The following TTC27 variants were observed in gnomAD, a reference collection of about 807,000 sequenced individuals.
TTC27 encodes tetratricopeptide repeat protein 27.
TTC27 carries 79 observed loss-of-function variants against 115.9 expected under a neutral mutation model. The observed-to-expected ratio is 0.68, with a 90% CI of 0.57 to 0.82. The LOEUF is 0.82. Among genes scored for constraint, TTC27 ranks in the 40% least tolerant of loss-of-function variants. The pLI, the probability that TTC27 is intolerant of heterozygous loss-of-function variation, is 0.00. For synonymous variants in TTC27, 401 were observed against 356.0 expected, an observed-to-expected ratio of 1.13 and a Z score of -1.42; for missense variants, 1,054 against 993.1, an observed-to-expected ratio of 1.06 and a Z score of -0.82.
chr2:32,743,325 T>A (rs1375150461), intron 12 of TTC27, among the ~76,000 whole-genome samples: 3 of 152,200 alleles, frequency 2.0e-5, no homozygotes, highest in African/African-American at 7.2e-5. Context: ...TGAATAACTT[T>A]CCTGAAATAT....
chr2:32,766,710 G>A (rs1669640332), intron 13 of TTC27, among the ~76,000 whole-genome samples: 1 of 152,178 alleles, frequency 6.6e-6, no homozygotes, highest in Non-Finnish European at 1.5e-5. Flanking sequence ...GAGACACGAA[G>A]TAAGCACACA....
intron 6 of TTC27, among the ~76,000 whole-genome samples, chr2:32,665,898 T>C (rs1665757542): frequency 6.6e-6 from 1 of 151,912 alleles, no homozygotes; most frequent in African/African-American, 2.4e-5. Flanking sequence ...TCATAAAAAA[T>C]AAAATAAAAT....
chr2:32,785,573 T>C (rs1465933218), intron 15 of TTC27, among the ~76,000 whole-genome samples: 1 of 152,098 alleles, frequency 6.6e-6, no homozygotes, highest in Admixed American at 6.6e-5. Context: ...ATTCTAGTTT[T>C]TGTTAGCTAT....
At chr2:32,783,972 T>C (rs1268857128) in intron 15 of TTC27, among the ~76,000 whole-genome samples, 2 of 152,268 alleles carry the variant, frequency 1.3e-5, no homozygotes, top group Non-Finnish European at 2.9e-5. Flanking sequence ...ATGCTGCCTC[T>C]GCTCTTGGAT....
chr2:32,663,636 TTATGTATGTATG>T (rs70938357), intron 5 of TTC27, among the ~76,000 whole-genome samples: 18,630 of 146,400 alleles, frequency 0.13, 1,361 homozygotes, highest in South Asian at 0.34. Flanking sequence ...CACCCCCTAT[TTATGTATGTATG>T]TATGTATGTA....
intron 12 of TTC27, among the ~76,000 whole-genome samples, chr2:32,744,174 T>C (rs1305073032): frequency 6.6e-6 from 1 of 152,224 alleles, no homozygotes; most frequent in Non-Finnish European, 1.5e-5. Context: ...CTCTCATATT[T>C]ACAGCTACAT....
intron 13 of TTC27, 32 bp from the exon 14 acceptor site, chr2:32,777,850 G>T (rs747974079): frequency 2.8e-5 from 45 of 1,605,456 alleles, no homozygotes; most frequent in Non-Finnish European, 3.3e-5. Flanking sequence ...GTTTCTGTGT[G>T]TTTGAATGAC....
chr2:32,744,168 C>T (rs144008920), intron 12 of TTC27, among the ~76,000 whole-genome samples: 10 of 152,296 alleles, frequency 6.6e-5, no homozygotes, highest in African/African-American at 2.4e-4. Flanking sequence ...ATGTGGCTCT[C>T]ATATTTACAG....
At chr2:32,816,304 G>A (rs564065479) in intron 18 of TTC27, among the ~76,000 whole-genome samples, 1 of 150,010 alleles carries the variant, frequency 6.7e-6, no homozygotes, top group Admixed American at 6.6e-5. Context: ...GTGACAGAGC[G>A]AGACCTTGTC....
intron 13 of TTC27, among the ~76,000 whole-genome samples, chr2:32,760,131 A>G (rs1329232630): frequency 6.6e-6 from 1 of 152,132 alleles, no homozygotes; most frequent in Non-Finnish European, 1.5e-5. Context: ...TCAGAAGTGC[A>G]TTTTCTTATG....
At chr2:32,769,426 A>G (rs74891287) in intron 13 of TTC27, among the ~76,000 whole-genome samples, 1 of 152,360 alleles carries the variant, frequency 6.6e-6, no homozygotes, top group South Asian at 2.1e-4. Flanking sequence ...GATAGAATCT[A>G]TAGACTGTTC....
intron 3 of TTC27, among the ~76,000 whole-genome samples, chr2:32,635,960 T>G (rs35890136): frequency 0.26 from 39,779 of 152,032 alleles, 5,915 homozygotes; most frequent in East Asian, 0.62. Context: ...AATTTATAAT[T>G]TATATTCTAC....
Position 32,705,180 on chromosome 2 carries a change from CT to C in TTC27, c.1233+2261del, listed in dbSNP as rs34983256. ...TCTGTTAGTTCATGTGAGAGCTTGT[CT>C]GAGAGAGCCTGGCTTCTCTTTTGTT... is the stretch of plus-strand genomic sequence containing the variant. On this transcript the variant is annotated intron_variant, in intron 10 of 19. Transcript: ENST00000317907. 5.7e-3 allele frequency among the ~76,000 whole-genome samples: 870 copies of C among 151,916 alleles called. 9 individuals are homozygous for C. Among genetic ancestry groups the C allele is most frequent in the Non-Finnish European group, 7.6e-3 (516 of 67,944 alleles).
At chr2:32,676,882 C>CATAT (rs10664628) in intron 8 of TTC27, among the ~76,000 whole-genome samples, 1 of 150,766 alleles carries the variant, frequency 6.6e-6, no homozygotes. Flanking sequence ...AATTACATTC[C>CATAT]ATATATATAT....
chr2:32,731,646 T>C (rs913714503), intron 10 of TTC27, among the ~76,000 whole-genome samples: 6 of 152,214 alleles, frequency 3.9e-5, no homozygotes, highest in Non-Finnish European at 4.4e-5. Context: ...CCCAAAGTGC[T>C]TGGGGTGGCA....
intron 5 of TTC27, among the ~76,000 whole-genome samples, chr2:32,656,628 A>C (rs1021907448): frequency 5.3e-4 from 80 of 151,992 alleles, no homozygotes; most frequent in Non-Finnish European, 1.8e-4. Flanking sequence ...ATATTTGCTC[A>C]CTCCGAGGAT....
chr2:32,795,163 C>T (rs780270603), intron 16 of TTC27, among the ~76,000 whole-genome samples: 8 of 150,286 alleles, frequency 5.3e-5, no homozygotes, highest in Non-Finnish European at 1.2e-4. Flanking sequence ...AAACACAGAC[C>T]AAAATCTCTT....
intron 10 of TTC27, among the ~76,000 whole-genome samples, chr2:32,732,375 GTGT>G (rs1279335886): frequency 6.6e-6 from 1 of 152,234 alleles, no homozygotes. Context: ...TGTCAACGAA[GTGT>G]TGTGTAATGT....
intron 3 of TTC27, among the ~76,000 whole-genome samples, chr2:32,635,022 T>C: frequency 6.6e-6 from 1 of 152,158 alleles, no homozygotes; most frequent in African/African-American, 2.4e-5. Flanking sequence ...CAGGGGTGGC[T>C]TTAAATTACA....
Sources: gnomAD v4.1 joint callset for allele counts (sites outside exome capture counted in the v4.1 genomes callset) on GRCh38, gnomAD v4.1.1 for gene constraint, MANE v1.5 for transcripts, NCBI Gene and HGNC (gene_info 2026-07-23, HGNC 2026-07-21) for gene names.